Variants in RNPS1 observed in about 807,000 individuals in gnomAD.
RNPS1 encodes RNA binding protein with serine rich domain 1.
For missense variants in RNPS1, 300 were observed against 427.6 expected (o/e 0.70, Z 2.63); for synonymous variants, 147 against 150.0 (o/e 0.98, Z 0.15).
At chr16:2,254,417 C>T (rs2093567487) in intron 7 of RNPS1, among the ~76,000 whole-genome samples, 1 of 152,120 alleles carries the variant, frequency 6.6e-6, no homozygotes, top group Admixed American at 6.5e-5. Flanking sequence ...CCTCAGCCTC[C>T]CGAGTAACTG....
At chr16:2,267,174 C>T in intron 1 of RNPS1, 1 of 985,324 alleles carries the variant, frequency 1.0e-6, no homozygotes, top group Non-Finnish European at 1.2e-6. Flanking sequence ...TCTCTGTTCA[C>T]CCAAGTTCAG....
In RNPS1 at chr16:2,264,347, G is replaced by T; in HGVS notation, c.72-16C>A. On this transcript the variant is annotated splice_polypyrimidine_tract_variant and intron_variant, in intron 2 of 7. Coordinates refer to ENST00000320225, the MANE Select transcript of RNPS1 (RefSeq NM_080594.4). ...TGAAGGAGCCCTGGATGGTGAGGAA[G>T]AGTGTGAGATTGCGTGCTCCTCTGA... 6.2e-7 allele frequency: 1 copy of T among 1,614,158 alleles called. No homozygotes were observed. Among genetic ancestry groups the T allele is most frequent in the Non-Finnish European group, 8.5e-7 (1 of 1,180,030 alleles).
rs927317840 is a variant in RNPS1, at chr16:2,255,568, A to T, written c.818+17T>A. The T allele has an allele frequency of 9.0e-6, 14 of 1,559,018 alleles. No homozygotes were observed. Among genetic ancestry groups the T allele is most frequent in the African/African-American group, 1.4e-5 (1 of 73,122 alleles). On this transcript the variant is annotated intron_variant, in intron 7 of 7. Transcript: ENST00000320225. The stretch of plus-strand genomic sequence containing the variant: ...GTTTGTGGCCTGATCAGTCCACTGA[A>T]ACTACAAATTGTTTACCTTCTCCTC...
intron 6 of RNPS1, 84 bp from the exon 7 acceptor site, chr16:2,255,810 G>C: frequency 4.3e-6 from 6 of 1,410,982 alleles, no homozygotes; most frequent in Non-Finnish European, 5.9e-6. Context: ...ACAGGCCTGG[G>C]GGGACAATGA....
rs1387022713 is a variant in RNPS1, at chr16:2,255,572, A to G, written c.818+13T>C. On this transcript the variant is annotated intron_variant, in intron 7 of 7. Coordinates refer to ENST00000320225, the MANE Select transcript of RNPS1 (RefSeq NM_080594.4). Reference sequence around the variant, plus strand: ...GTGGCCTGATCAGTCCACTGAAACTACAAATTGTTTACCTTCTCCTCATCC... The same window carrying G: ...GTGGCCTGATCAGTCCACTGAAACTGCAAATTGTTTACCTTCTCCTCATCC... 7.0e-6 allele frequency: 11 copies of G among 1,561,960 alleles called. No individual in the cohort carries two copies. The highest frequency in any genetic ancestry group is 8.6e-6 in the Non-Finnish European group (10 of 1,158,070).
Position 2,253,951 on chromosome 16 carries a change from T to TC in RNPS1, c.*12_*13insG. On this transcript the variant is annotated 3_prime_UTR_variant, in exon 8 of 8. Coordinates refer to ENST00000320225, the MANE Select transcript of RNPS1 (RefSeq NM_080594.4). ...GGGTATAAGTTACAGGGGCGAGAGCTTCAGTGGCCTGTTTATCGGGAGGAG... is the reference window on the plus strand; with the variant it reads ...GGGTATAAGTTACAGGGGCGAGAGCTCTCAGTGGCCTGTTTATCGGGAGGAG... 1 of 1,552,094 alleles carries TC rather than the reference T, an allele frequency of 6.4e-7. No homozygotes were observed. Among genetic ancestry groups the TC allele is most frequent in the Non-Finnish European group, 8.7e-7 (1 of 1,146,994 alleles).
chr16:2,267,119 C>T (rs1184719159), intron 1 of RNPS1: 108 of 883,636 alleles, frequency 1.2e-4, no homozygotes, highest in Non-Finnish European at 1.5e-4. Context: ...AGTAAGCGGA[C>T]GCCTTGCTGG....
rs750682093 is a variant in RNPS1, at chr16:2,263,202, G to A, written c.313C>T (p.Arg105Cys). ...SGSSSSSASS[R>C]SGSSSTSRSS... ...CGGGAGGTGCTGGAGCTTCCTGAGC[G>A]GCTGGATGCTGAGGAAGAGCTGGAG... Residue 105 changes from arginine to cysteine, a missense_variant, in exon 4 of 8, where the codon CGC (arginine) becomes TGC (cysteine). Physicochemically the swap from Arg to Cys is radical, Grantham distance 180. Transcript: ENST00000320225. The A allele has an allele frequency of 6.8e-6, 11 of 1,613,700 alleles. 1 individual carries two copies. Among genetic ancestry groups the A allele is most frequent in the South Asian group, 3.3e-5 (3 of 91,054 alleles).
chr16:2,267,866 G>A (rs1464958155), intron 1 of RNPS1, 189 bp downstream of exon 1: 3 of 1,518,144 alleles, frequency 2.0e-6, no homozygotes, highest in African/African-American at 1.4e-5. Flanking sequence ...ACCACTTCCG[G>A]GCCACGGCCT....
intron 7 of RNPS1, among the ~76,000 whole-genome samples, 176 bp from the exon 8 acceptor site, chr16:2,254,239 G>T (rs1019703935): frequency 6.6e-6 from 1 of 152,112 alleles, no homozygotes; most frequent in Admixed American, 6.5e-5. Flanking sequence ...GGGTTCAAGC[G>T]ATTCTCCTGC....
chr16:2,264,604 C>G lies in RNPS1; in HGVS notation c.40G>C (p.Val14Leu). The change falls in exon 2 of 8, where the codon GTC becomes CTC. Residue 14 changes from valine (V) to leucine (L), a missense_variant. Val to Leu is a conservative substitution (Grantham distance 32, BLOSUM62 1). Coordinates refer to ENST00000320225, the MANE Select transcript of RNPS1 (RefSeq NM_080594.4). ...SGVKKKSLLG[V>L]KENNKKSSTR... The stretch of plus-strand genomic sequence containing the variant: ...CTGGACTTTTTATTATTTTCTTTGA[C>G]TCCTAGCAAGCTCTTCTTTTTCACT... 6.2e-7 allele frequency: 1 copy of G among 1,613,462 alleles called. No individual in the cohort carries two copies. The highest frequency in any genetic ancestry group is 8.5e-7 in the Non-Finnish European group (1 of 1,179,850).
rs376129153 is a variant in RNPS1 at position 2,255,985 on chromosome 16, C to A, written c.677-259G>T. The stretch of plus-strand genomic sequence containing the variant: ...CTAAAAAGACAATAAATCAGCTGTG[C>A]GAGGTGGCGGGCGCCTATAGTACCA... On this transcript the variant is annotated intron_variant, in intron 6 of 7. Transcript: ENST00000320225. 16 of 431,012 alleles carry A rather than the reference C, an allele frequency of 3.7e-5. No individual in the cohort carries two copies. In the East Asian group the frequency reaches 6.5e-4, roughly 17 times the overall value. 26.7% of individuals were successfully genotyped at this position (431,012 alleles called of 1,614,324 possible). A position where few individuals can be genotyped will look rare whatever the true frequency, so the allele number is the denominator to read the frequency against.
At chr16:2,259,015 C>T (rs570737384) in intron 6 of RNPS1, among the ~76,000 whole-genome samples, 4 of 147,774 alleles carry the variant, frequency 2.7e-5, no homozygotes, top group African/African-American at 7.5e-5. Flanking sequence ...CCCAGCTACT[C>T]GGGAGGCTAA....
intron 6 of RNPS1, chr16:2,257,600 T>G (rs904893758): frequency 1.3e-5 from 2 of 150,574 alleles, no homozygotes; most frequent in Non-Finnish European, 3.0e-5. Flanking sequence ...ACCCAGAAGG[T>G]ACCCGGGTCC....
chr16:2,260,554 AG>A (rs2093598987), intron 6 of RNPS1, among the ~76,000 whole-genome samples: 1 of 152,168 alleles, frequency 6.6e-6, no homozygotes, highest in African/African-American at 2.4e-5. Context: ...TTCTAATCTG[AG>A]GGAAGTAAAA....
chr16:2,263,503 G>T (rs977657862), intron 3 of RNPS1, among the ~76,000 whole-genome samples: 3 of 152,152 alleles, frequency 2.0e-5, no homozygotes, highest in Non-Finnish European at 4.4e-5. Context: ...AGAGGTGATG[G>T]GCTGCCTTCT....
intron 7 of RNPS1, among the ~76,000 whole-genome samples, chr16:2,254,740 C>CT (rs11315814): frequency 0.018 from 1,866 of 103,584 alleles, 39 homozygotes; most frequent in East Asian, 0.11. Flanking sequence ...AAAGTTTTAC[C>CT]TTTTTTTTTT....
chr16:2,260,260 A>G (rs1172028762), intron 6 of RNPS1, among the ~76,000 whole-genome samples: 3 of 149,000 alleles, frequency 2.0e-5, no homozygotes, highest in South Asian at 2.1e-4. Context: ...GGTTCAAGCA[A>G]TTCTCCTGCC....
chr16:2,256,189 A>G, intron 6 of RNPS1: 1 of 187,022 alleles, frequency 5.3e-6, no homozygotes, highest in Non-Finnish European at 1.1e-5. Context: ...AAAGAGGCAT[A>G]AAAACTAACA....
Sources: gnomAD v4.1 joint callset for allele counts (sites outside exome capture counted in the v4.1 genomes callset) on GRCh38, gnomAD v4.1.1 for gene constraint, MANE v1.5 for transcripts, NCBI Gene and HGNC (gene_info 2026-07-23, HGNC 2026-07-21) for gene names.